Variants in RAB27A observed in about 807,000 individuals in gnomAD.
RAB27A encodes the protein ras-related protein Rab-27A.
A neutral mutation model predicts 20.8 loss-of-function variants in RAB27A; 17 were observed. That is an observed-to-expected ratio of 0.82 (90% CI 0.56 to 1.23). The LOEUF (loss-of-function observed/expected upper bound fraction) is 1.23. Ranked by LOEUF, RAB27A falls within the 50% of genes most tolerant of loss-of-function variation. The pLI is 0.00. For missense variants in RAB27A, 277 were observed against 266.7 expected (o/e 1.04, Z -0.27); for synonymous variants, 85 against 92.8 (o/e 0.92, Z 0.48).
intron 6 of RAB27A, among the ~76,000 whole-genome samples, chr15:55,223,255 C>T (rs1450014215): frequency 6.6e-6 from 1 of 151,996 alleles, no homozygotes; most frequent in East Asian, 1.9e-4. Flanking sequence ...ACCTGTAATC[C>T]CAGCACTTTG....
intron 3 of RAB27A, among the ~76,000 whole-genome samples, chr15:55,234,152 G>C (rs1179326976): frequency 6.6e-6 from 1 of 152,192 alleles, no homozygotes; most frequent in African/African-American, 2.4e-5. Context: ...TAAGGAGAAA[G>C]CCATCTTTCC....
intron 6 of RAB27A, among the ~76,000 whole-genome samples, chr15:55,215,132 A>C (rs1363232082): frequency 6.6e-6 from 1 of 152,224 alleles, no homozygotes; most frequent in Non-Finnish European, 1.5e-5. Context: ...TAAAATGCTA[A>C]ATCACAATAA....
intron 2 of RAB27A, among the ~76,000 whole-genome samples, chr15:55,250,000 C>T (rs1034159014): frequency 6.6e-6 from 1 of 152,012 alleles, no homozygotes; most frequent in African/African-American, 2.4e-5. Context: ...CTCACTCTGT[C>T]ACCCAGGCCG....
At chr15:55,235,404 C>A (rs553238351) in intron 2 of RAB27A, among the ~76,000 whole-genome samples, 1 of 151,762 alleles carries the variant, frequency 6.6e-6, no homozygotes, top group Non-Finnish European at 1.5e-5. Context: ...GCCAAGATTG[C>A]GCCATTGCAC....
At chr15:55,267,797 TACCGAGGGTCCAGA>T (rs762501951) in intron 2 of RAB27A, among the ~76,000 whole-genome samples, 3 of 152,170 alleles carry the variant, frequency 2.0e-5, no homozygotes, top group Non-Finnish European at 4.4e-5. Context: ...AGCACTCAGG[TACCGAGGGTCCAGA>T]GAGGGCGGAA....
At chr15:55,229,434 G>A (rs1242557234) in intron 4 of RAB27A, among the ~76,000 whole-genome samples, 1 of 152,198 alleles carries the variant, frequency 6.6e-6, no homozygotes, top group Non-Finnish European at 1.5e-5. Flanking sequence ...CCAGCACTTT[G>A]GGAGGTCAAG....
chr15:55,309,534 G>A (rs1352354754), intron 2 of RAB27A, among the ~76,000 whole-genome samples: 1 of 152,230 alleles, frequency 6.6e-6, no homozygotes, highest in African/African-American at 2.4e-5. Context: ...TGGCCAAATA[G>A]ATGGGAGCTA....
rs752851113 is a variant in RAB27A, at chr15:55,228,705, T to A, written c.247A>T (p.Ser83Cys). Residue 83 changes from serine (S) to cysteine (C), a missense_variant, in exon 5 of 7, where the codon AGC (serine) becomes TGC (cysteine). Ser to Cys is a moderately radical substitution (Grantham distance 112, BLOSUM62 -1). Transcript: ENST00000336787. ...TCTCTGAAGAACGCTGTCGTTAAGC[T>A]ACGAAACCTAGGAACATAAAAGCAG... ...WDTAGQERFRSLTTAFFRDAM... is the reference protein window; with the variant it reads ...WDTAGQERFRCLTTAFFRDAM... 3 of 1,611,342 alleles carry A rather than the reference T, an allele frequency of 1.9e-6. No individual in the cohort carries two copies. The Admixed American group carries it at 5.0e-5, about 27-fold the overall frequency.
chr15:55,298,658 G>A lies in RAB27A; in HGVS notation c.-112+15381C>T, dbSNP rs117687404. 4.4e-3 allele frequency among the ~76,000 whole-genome samples: 670 copies of A among 152,224 alleles called. 12 individuals carry two copies. In the East Asian group the frequency reaches 0.056, roughly 13 times the overall value. ...ACCAGTCTGACCAAAATTATTAGGC[G>A]GGAGTTTCTTCTTCCTAATAAGCCT... is the stretch of plus-strand genomic sequence containing the variant. On this transcript the variant is annotated intron_variant, in intron 2 of 5. Transcript: ENST00000563262.
chr15:55,249,758 C>T (rs1896819279), intron 2 of RAB27A, among the ~76,000 whole-genome samples: 1 of 152,044 alleles, frequency 6.6e-6, no homozygotes, highest in Admixed American at 6.6e-5. Context: ...GTTGAAACTC[C>T]TAGATCATAT....
chr15:55,269,881 C>G lies in RAB27A; in HGVS notation c.-23+284G>C, dbSNP rs531035550. 10 of 152,294 alleles carry G rather than the reference C, an allele frequency of 6.6e-5. No individual in the cohort carries two copies. In the South Asian group the frequency reaches 2.1e-3, roughly 32 times the overall value. The allele number at this position is 152,294 out of a possible 1,614,324, so 9.4% of individuals were successfully genotyped here. On this transcript the variant is annotated intron_variant, in intron 2 of 6. Transcript: ENST00000336787. ...ATAATTCAATTTCCTAATCAGCTCT[C>G]ATATTCAACAATTTCCTGAAAGTAA...
chr15:55,301,645 C>CTTTTT (rs754262049), intron 2 of RAB27A, among the ~76,000 whole-genome samples: 17 of 117,596 alleles, frequency 1.4e-4, no homozygotes, highest in African/African-American at 2.0e-4. Flanking sequence ...CCCTAAAAAT[C>CTTTTT]TTTTTTTTTT....
intron 6 of RAB27A, among the ~76,000 whole-genome samples, chr15:55,217,391 G>A (rs887384677): frequency 6.6e-6 from 1 of 152,058 alleles, no homozygotes; most frequent in African/African-American, 2.4e-5. Flanking sequence ...GCTGGAGGCG[G>A]TGGCTCACCT....
intron 1 of RAB27A, chr15:55,317,187 G>C (rs1385688696): frequency 6.6e-6 from 1 of 151,490 alleles, no homozygotes; most frequent in East Asian, 1.9e-4. Context: ...AACAGTGTTA[G>C]GTTAAAAAAT....
At chr15:55,318,579 G>A (rs2055085051) in intron 1 of RAB27A, among the ~76,000 whole-genome samples, 1 of 150,976 alleles carries the variant, frequency 6.6e-6, no homozygotes, top group South Asian at 2.1e-4. Flanking sequence ...TGGCGCGCCT[G>A]TAGTCCCAGC....
intron 1 of RAB27A, among the ~76,000 whole-genome samples, chr15:55,277,772 C>T (rs1339564315): frequency 1.3e-5 from 2 of 152,180 alleles, no homozygotes; most frequent in Non-Finnish European, 2.9e-5. Flanking sequence ...AACTCAGAAC[C>T]GTTTGGCCTT....
chr15:55,274,007 A>C (rs1255182046), intron 1 of RAB27A, among the ~76,000 whole-genome samples: 13 of 152,206 alleles, frequency 8.5e-5, no homozygotes, highest in Non-Finnish European at 1.9e-4. Context: ...CCACAAAACA[A>C]GTCTCAACAA....
chr15:55,249,095 C>A (rs967618220), intron 2 of RAB27A: 1 of 152,136 alleles, frequency 6.6e-6, no homozygotes, highest in Non-Finnish European at 1.5e-5. Context: ...GTGTGACTTG[C>A]GTTTGCTTAT....
intron 2 of RAB27A, among the ~76,000 whole-genome samples, chr15:55,312,293 T>C (rs1318913951): frequency 1.3e-5 from 2 of 152,070 alleles, no homozygotes; most frequent in Non-Finnish European, 2.9e-5. Context: ...GTAACAAATA[T>C]GGACCAGAAG....
Sources: gnomAD v4.1 joint callset for allele counts (sites outside exome capture counted in the v4.1 genomes callset) on GRCh38, gnomAD v4.1.1 for gene constraint, MANE v1.5 for transcripts, NCBI Gene and HGNC (gene_info 2026-07-23, HGNC 2026-07-21) for gene names.